The following CAPN9 variants were observed in gnomAD, a reference collection of about 807,000 sequenced individuals.
The protein encoded by CAPN9 is calpain 9.
A neutral mutation model predicts 92.8 loss-of-function variants in CAPN9; 81 were observed. That is an observed-to-expected ratio of 0.87 (90% CI 0.73 to 1.05). CAPN9 has a LOEUF of 1.05. Ranked by LOEUF, CAPN9 falls within the 50% of genes least tolerant of loss-of-function variation. The probability of loss-of-function intolerance (pLI) is 0.00; values close to 1 mark genes in which losing one functional copy is unlikely to be tolerated. For synonymous variants in CAPN9, 304 were observed against 328.0 expected (o/e 0.93, Z 0.79); for missense variants, 848 against 866.2 (o/e 0.98, Z 0.26).
intron 14 of CAPN9, among the ~76,000 whole-genome samples, chr1:230,791,607 T>A (rs6671302): frequency 0.56 from 84,811 of 152,062 alleles, 23,965 homozygotes; most frequent in Middle Eastern, 0.63. Flanking sequence ...CTTCATATGT[T>A]ATTCTTTGCT....
chr1:230,785,131 C>T (rs1667497620), intron 11 of CAPN9, among the ~76,000 whole-genome samples: 1 of 152,236 alleles, frequency 6.6e-6, no homozygotes, highest in African/African-American at 2.4e-5. Context: ...TACCCAATGC[C>T]TATACTCCCA....
intron 6 of CAPN9, 98 bp downstream of exon 6, chr1:230,769,361 C>A: frequency 1.1e-6 from 1 of 871,182 alleles, no homozygotes. Context: ...AAATGTCTGC[C>A]TTTCAGGCAT....
chr1:230,787,424 G>A, intron 12 of CAPN9, 98 bp from the exon 13 acceptor site: 3 of 955,638 alleles, frequency 3.1e-6, no homozygotes, highest in Non-Finnish European at 4.9e-6. Flanking sequence ...AGGGTGACAT[G>A]GGGCTGGGCA....
intron 11 of CAPN9, among the ~76,000 whole-genome samples, chr1:230,783,440 C>T (rs1667365384): frequency 1.3e-5 from 2 of 152,148 alleles, no homozygotes; most frequent in Admixed American, 6.5e-5. Flanking sequence ...TCCCTCATGG[C>T]TTGGTGCTAT....
chr1:230,789,473 CAAAAAA>C (rs57738295), intron 13 of CAPN9, among the ~76,000 whole-genome samples: 19 of 66,278 alleles, frequency 2.9e-4, no homozygotes, highest in African/African-American at 7.3e-4. Flanking sequence ...GACCCTGTAT[CAAAAAA>C]AAAAAAAAAA....
chr1:230,784,654 A>G lies in CAPN9; in HGVS notation c.1482-1327A>G, dbSNP rs28741095. Among the ~76,000 whole-genome samples, 3 of 152,262 alleles carry G rather than the reference A, an allele frequency of 2.0e-5. No homozygotes were observed. In the East Asian group the frequency reaches 5.8e-4, roughly 29 times the overall value. Reference sequence around the variant, plus strand: ...AGTGCAAGACTGAATGAGGCTTGGCAGCCTCCACCTAGATTTCAGAGGATG... The same window carrying G: ...AGTGCAAGACTGAATGAGGCTTGGCGGCCTCCACCTAGATTTCAGAGGATG... On this transcript the variant is annotated intron_variant, in intron 11 of 19. Transcript: ENST00000271971.
intron 3 of CAPN9, among the ~76,000 whole-genome samples, chr1:230,762,043 A>G (rs1665679756): frequency 6.6e-6 from 1 of 152,240 alleles, no homozygotes; most frequent in Non-Finnish European, 1.5e-5. Context: ...GCCTGCCTGT[A>G]TGCACATGTA....
In CAPN9 at chr1:230,780,698, G is replaced by T. The variant is rs146035889; in HGVS notation, c.1471G>T (p.Ala491Ser). Residue 491 changes from alanine to serine, a missense_variant, in exon 11 of 20, where the codon GCC becomes TCC. Transcript: ENST00000271971. ...FCLRIFSEKK[A>S]ITRDMDGNVD... ...TCTGAGAATCTTTTCAGAGAAAAAA[G>T]CCATTACCCGGTGAGTCAGAGGAAC... The T allele has an allele frequency of 4.3e-5, 70 of 1,613,818 alleles. No homozygotes were observed. The highest frequency in any genetic ancestry group is 5.6e-5 in the Non-Finnish European group (66 of 1,179,904).
intron 14 of CAPN9, 87 bp downstream of exon 14, chr1:230,790,276 C>A (rs1445348360): frequency 1.0e-5 from 16 of 1,534,352 alleles, no homozygotes; most frequent in Middle Eastern, 1.8e-4. Context: ...CTCCTCCGAG[C>A]CGCAGATCTG....
intron 8 of CAPN9, among the ~76,000 whole-genome samples, chr1:230,777,461 A>C (rs1666879241): frequency 2.7e-5 from 4 of 149,330 alleles, no homozygotes; most frequent in African/African-American, 4.9e-5. Context: ...ACCTCCTGCA[A>C]CTCTCTTCTC....
intron 17 of CAPN9, among the ~76,000 whole-genome samples, chr1:230,793,534 A>G (rs535493966): frequency 1.0e-3 from 152 of 152,214 alleles, no homozygotes; most frequent in African/African-American, 3.6e-3. Context: ...CTGTGGTCCC[A>G]TGTCCTGCAC....
In CAPN9 at chr1:230,773,160, G is replaced by A. The variant is rs973061914; in HGVS notation, c.875+1061G>A. ...GCTGCTGTATTAGCCAGACCCCAGC[G>A]TGAGGGCAGGGCACACAGGCCTGTG... On this transcript the variant is annotated intron_variant, in intron 7 of 19. Transcript: ENST00000271971. Among the ~76,000 whole-genome samples, 10 of 152,292 alleles carry A rather than the reference G, an allele frequency of 6.6e-5. No individual in the cohort carries two copies. The East Asian group carries it at 1.2e-3, about 18-fold the overall frequency.
intron 17 of CAPN9, among the ~76,000 whole-genome samples, chr1:230,793,897 G>A (rs970764821): frequency 3.3e-5 from 5 of 152,132 alleles, no homozygotes; most frequent in African/African-American, 1.2e-4. Flanking sequence ...CAGAGAGGAG[G>A]GGCATGGCTG....
At chr1:230,790,532 A>G (rs906501061) in intron 14 of CAPN9, among the ~76,000 whole-genome samples, 1 of 152,242 alleles carries the variant, frequency 6.6e-6, no homozygotes, top group Non-Finnish European at 1.5e-5. Context: ...CACTCCAACA[A>G]GAAACCCTTT....
rs895640377 is a variant in CAPN9 at position 230,779,081 on chromosome 1, T to C, written c.1062T>C (p.His354=). The stretch of plus-strand genomic sequence containing the variant: ...TCCACAAATGGGAGGTGACGGTCCA[T>C]CAGGGAAGCTGGGTTCGCGGCTCCA... ...DAIHKWEVTV[H]QGSWVRGSTA... Residue 354 remains histidine, a synonymous_variant, in exon 9 of 20, where the codon CAT becomes CAC. Transcript: ENST00000271971. 2 of 1,613,366 alleles carry C rather than the reference T, an allele frequency of 1.2e-6. No homozygotes were observed. The highest frequency in any genetic ancestry group is 1.7e-6 in the Non-Finnish European group (2 of 1,179,946).
intron 9 of CAPN9, 95 bp from the exon 10 acceptor site, chr1:230,780,084 G>C: frequency 5.0e-5 from 2 of 40,312 alleles, no homozygotes; most frequent in Non-Finnish European, 5.4e-5. Flanking sequence ...GTATGTGCGT[G>C]TGTGTGTGTG....
At position 230,797,615 on chromosome 1, in the gene CAPN9, C is replaced by T. The variant is rs539194856; in HGVS notation, c.1988-547C>T. On this transcript the variant is annotated intron_variant, in intron 18 of 19. Coordinates refer to ENST00000271971, the MANE Select transcript of CAPN9 (RefSeq NM_006615.3). ...AAGCCAGGGCTGATTGGCTCGACCT[C>T]GTCTTCTGAAGGTGAGGAGGCTGAG... Among the ~76,000 whole-genome samples the T allele has an allele frequency of 5.9e-5, 9 of 152,274 alleles. No individual in the cohort carries two copies. The South Asian group carries it at 1.9e-3, about 32-fold the overall frequency.
rs925545284 is a variant in CAPN9 at position 230,769,636 on chromosome 1, T to G, written c.789+373T>G. Among the ~76,000 whole-genome samples the G allele has an allele frequency of 4.7e-3, 418 of 89,836 alleles. 4 individuals are homozygous for G. Among genetic ancestry groups the G allele is most frequent in the South Asian group, 0.025 (65 of 2,614 alleles). The allele number at this position is 89,836 out of a possible 152,430, so 58.9% of individuals were successfully genotyped here. The stretch of plus-strand genomic sequence containing the variant: ...ACACACCTATCTATCTATCTATCTA[T>G]CTATCTATCTATCTATCTATCTATC... On this transcript the variant is annotated intron_variant, in intron 6 of 19. Transcript: ENST00000271971.
chr1:230,769,410 C>T (rs373517366), intron 6 of CAPN9, 147 bp downstream of exon 6: 4 of 608,770 alleles, frequency 6.6e-6, no homozygotes, highest in East Asian at 3.0e-5. Context: ...GGCTGGAATT[C>T]AAAACGGCAA....
Sources: gnomAD v4.1 joint callset for allele counts (sites outside exome capture counted in the v4.1 genomes callset) on GRCh38, gnomAD v4.1.1 for gene constraint, MANE v1.5 for transcripts, NCBI Gene and HGNC (gene_info 2026-07-23, HGNC 2026-07-21) for gene names.